RTL9: variants seen among roughly 807,000 people sequenced by gnomAD.
The protein encoded by RTL9 is retrotransposon Gag-like protein 9.
In RTL9, 19 loss-of-function variants were observed where a neutral mutation model predicts 44.7. The observed-to-expected ratio is 0.42, with a 90% CI of 0.30 to 0.62. The LOEUF is 0.62. Among genes scored for constraint, RTL9 ranks in the 20% least tolerant of loss-of-function variants. The probability of loss-of-function intolerance (pLI) is 0.16; values close to 1 mark genes in which losing one functional copy is unlikely to be tolerated. For missense variants in RTL9, 1,105 were observed against 1,080.6 expected (o/e 1.02, Z -0.32); for synonymous variants, 407 against 398.9 (o/e 1.02, Z -0.24).
At chrX:110,378,085 C>G (rs771979858) in intron 1 of RTL9, among the ~76,000 whole-genome samples, 45 of 106,635 alleles carry the variant, frequency 4.2e-4, no homozygotes, top group African/African-American at 1.4e-3. Context: ...CTTCAAGATT[C>G]TGATTTCCTT....
chrX:110,418,723 G>A (rs2068695977), upstream of RTL9, among the ~76,000 whole-genome samples: 2 of 111,586 alleles, frequency 1.8e-5, no homozygotes, highest in Admixed American at 1.9e-4. Context: ...GCTGGGAAAC[G>A]GAGCCGAATA....
At chrX:110,453,439 C>T in exon 1 of RTL9, 1 of 1,211,410 alleles carries the variant, frequency 8.3e-7, no homozygotes, top group Non-Finnish European at 1.1e-6. Flanking sequence ...ACTGCACAAA[C>T]AACAGCCATG....
chrX:110,364,376 G>T (rs745894464), intron 1 of RTL9, among the ~76,000 whole-genome samples: 1 of 111,138 alleles, frequency 9.0e-6, no homozygotes, highest in African/African-American at 3.3e-5. Context: ...TTTTGGGGGC[G>T]GTGACACAAT....
intron 1 of RTL9, among the ~76,000 whole-genome samples, chrX:110,381,719 C>T (rs895596482): frequency 1.8e-5 from 2 of 111,204 alleles, no homozygotes; most frequent in Admixed American, 9.5e-5. Flanking sequence ...TACACGTACA[C>T]CATGGAATAC....
chrX:110,362,249 C>T (rs990547749), intron 1 of RTL9, among the ~76,000 whole-genome samples: 2 of 111,458 alleles, frequency 1.8e-5, no homozygotes, highest in African/African-American at 3.3e-5. Flanking sequence ...TCCCCTCATC[C>T]CTACACTAAA....
chrX:110,455,383 G>A (rs1413035834), exon 2 of RTL9: 3 of 1,163,574 alleles, frequency 2.6e-6, no homozygotes, highest in African/African-American at 3.6e-5. Context: ...ACTGGTTCCT[G>A]GACCCATTCC....
At chrX:110,409,806 G>A (rs1372678878) in intron 1 of RTL9, among the ~76,000 whole-genome samples, 1 of 111,447 alleles carries the variant, frequency 9.0e-6, no homozygotes, top group African/African-American at 3.3e-5. Flanking sequence ...AGAAGGGCAG[G>A]GGGCAGCACC....
chrX:110,361,082 T>C (rs2068260254), intron 1 of RTL9, among the ~76,000 whole-genome samples: 1 of 110,639 alleles, frequency 9.0e-6, no homozygotes, highest in African/African-American at 3.3e-5. Flanking sequence ...ATCTCCAACT[T>C]ACCATGTTCA....
intron 1 of RTL9, among the ~76,000 whole-genome samples, chrX:110,378,754 T>C (rs1161322017): frequency 8.9e-6 from 1 of 111,870 alleles, no homozygotes; most frequent in Non-Finnish European, 1.9e-5. Flanking sequence ...CAATTTCATT[T>C]GAATGGTCCT....
intron 1 of RTL9, among the ~76,000 whole-genome samples, chrX:110,436,089 G>T (rs997593044): frequency 8.9e-6 from 1 of 112,650 alleles, no homozygotes; most frequent in African/African-American, 3.2e-5. Context: ...ATGAAGAATC[G>T]CTGTGCGTTT....
At chrX:110,453,032 G>C in exon 1 of RTL9, 1 of 1,210,968 alleles carries the variant, frequency 8.3e-7, no homozygotes, top group Non-Finnish European at 1.1e-6. Flanking sequence ...CTTCTGGAGA[G>C]ATAGCCACGC....
intron 1 of RTL9, among the ~76,000 whole-genome samples, chrX:110,393,992 T>C (rs1239382342): frequency 8.9e-6 from 1 of 112,683 alleles, no homozygotes; most frequent in Non-Finnish European, 1.9e-5. Flanking sequence ...CAATGAGCGC[T>C]TTTGTGATTC....
At chrX:110,421,234 T>C (rs2068715047) in intron 1 of RTL9, among the ~76,000 whole-genome samples, 2 of 112,644 alleles carry the variant, frequency 1.8e-5, no homozygotes, top group African/African-American at 6.5e-5. Context: ...ACTCTTTTCA[T>C]GCACTTGGAC....
chrX:110,453,610 C>G lies in RTL9; in HGVS notation c.2993C>G (p.Ser998Cys), dbSNP rs1053994826. The change falls in exon 1 of 2, where the codon TCT becomes TGT. Residue 998 changes from serine to cysteine, a missense_variant. Coordinates refer to ENST00000540313, the Ensembl canonical transcript of RTL9. ...ACATTGCAAACCAGTGTTGCGAACT[C>G]TAGATCTATGTCCTTGTCACAAACA... is the stretch of plus-strand genomic sequence containing the variant. 6 of 1,210,790 alleles carry G rather than the reference C, an allele frequency of 5.0e-6. No homozygotes were observed. In the African/African-American group the frequency reaches 1.0e-4, roughly 21 times the overall value.
intron 1 of RTL9, among the ~76,000 whole-genome samples, chrX:110,381,717 C>T (rs2068420930): frequency 9.0e-6 from 1 of 111,229 alleles, no homozygotes; most frequent in African/African-American, 3.3e-5. Context: ...TGTACACGTA[C>T]ACCATGGAAT....
chrX:110,363,796 A>G (rs1033286000), intron 1 of RTL9, among the ~76,000 whole-genome samples: 9 of 111,459 alleles, frequency 8.1e-5, no homozygotes, highest in Non-Finnish European at 1.1e-4. Context: ...AACAGTCACC[A>G]TATAACAAGT....
At chrX:110,436,245 A>G (rs1200910059) in intron 1 of RTL9, among the ~76,000 whole-genome samples, 1 of 111,265 alleles carries the variant, frequency 9.0e-6, no homozygotes, top group African/African-American at 3.3e-5. Context: ...GCTCCTGGAG[A>G]GTCAGGATGT....
intron 1 of RTL9, among the ~76,000 whole-genome samples, chrX:110,408,409 G>A (rs1460450017): frequency 8.9e-6 from 1 of 112,508 alleles, no homozygotes; most frequent in Admixed American, 9.4e-5. Context: ...GTTCTCCAAC[G>A]CCCACGACAG....
chrX:110,402,260 C>T (rs1368051510), intron 1 of RTL9, among the ~76,000 whole-genome samples: 1 of 113,146 alleles, frequency 8.8e-6, no homozygotes, highest in Non-Finnish European at 1.9e-5. Flanking sequence ...ATGAAGAAGG[C>T]TCACCTTGCC....
Sources: allele counts gnomAD v4.1 joint callset (sites outside exome capture counted in the v4.1 genomes callset), GRCh38; gene constraint gnomAD v4.1.1; transcripts MANE v1.5; gene names NCBI Gene and HGNC (gene_info 2026-07-23, HGNC 2026-07-21).